Variants in GULP1 observed in about 807,000 individuals in gnomAD.
GULP1 encodes PTB domain-containing engulfment adapter protein 1.
GULP1 carries 19 observed loss-of-function variants against 40.9 expected under a neutral mutation model. That is an observed-to-expected ratio of 0.46 (90% CI 0.32 to 0.68). GULP1 has a LOEUF of 0.68. Ranked by LOEUF, GULP1 falls within the 30% of genes least tolerant of loss-of-function variation. The pLI is 0.03. For synonymous variants in GULP1, 119 were observed against 117.6 expected (o/e 1.01, Z -0.08); for missense variants, 312 against 362.2 (o/e 0.86, Z 1.12).
chr2:188,456,358 C>G (rs1248962252), intron 2 of GULP1, among the ~76,000 whole-genome samples: 1 of 152,148 alleles, frequency 6.6e-6, no homozygotes, highest in Non-Finnish European at 1.5e-5. Context: ...GGCCTGAGGT[C>G]CCCGTGCTGT....
At chr2:188,429,317 A>G (rs2056584308) in intron 2 of GULP1, among the ~76,000 whole-genome samples, 1 of 152,164 alleles carries the variant, frequency 6.6e-6, no homozygotes, top group Non-Finnish European at 1.5e-5. Context: ...ACCCTGGCCA[A>G]CATGGCAAAA....
intron 2 of GULP1, among the ~76,000 whole-genome samples, chr2:188,425,735 G>A (rs974317944): frequency 6.6e-6 from 1 of 152,036 alleles, no homozygotes; most frequent in African/African-American, 2.4e-5. Flanking sequence ...TCATCTATAT[G>A]AGTACTGAGT....
intron 7 of GULP1, among the ~76,000 whole-genome samples, chr2:188,545,404 C>T (rs1691653228): frequency 6.6e-6 from 1 of 151,676 alleles, no homozygotes. Context: ...GATGTGATTT[C>T]ATATATGGAC....
At chr2:188,433,586 G>A (rs577331323) in intron 2 of GULP1, among the ~76,000 whole-genome samples, 1 of 152,210 alleles carries the variant, frequency 6.6e-6, no homozygotes. Flanking sequence ...AGTTCTATCA[G>A]AGAAGAATCT....
chr2:188,299,508 C>A (rs1559084487), intron 1 of GULP1, among the ~76,000 whole-genome samples: 1 of 152,196 alleles, frequency 6.6e-6, no homozygotes, highest in Non-Finnish European at 1.5e-5. Flanking sequence ...CATTTGAAGT[C>A]TTTCCCCCCT....
At position 188,501,234 on chromosome 2, in the gene GULP1, C is replaced by T. The variant is rs1056323007; in HGVS notation, c.90+17742C>T. On this transcript the variant is annotated intron_variant, in intron 4 of 11. Coordinates refer to ENST00000409830, the MANE Select transcript of GULP1 (RefSeq NM_016315.4). ...ATTGGATCATGGGGGCAGTTTCCCC[C>T]ATGCTGTTCTCATGATAGTGAGTTC... Among the ~76,000 whole-genome samples, 6 of 151,822 alleles carry T rather than the reference C, an allele frequency of 4.0e-5. 1 individual carries two copies. Among genetic ancestry groups the T allele is most frequent in the Admixed American group, 3.9e-4 (6 of 15,216 alleles).
intron 9 of GULP1, among the ~76,000 whole-genome samples, chr2:188,575,950 CA>C (rs1700094594): frequency 6.6e-6 from 1 of 152,026 alleles, no homozygotes; most frequent in South Asian, 2.1e-4. Flanking sequence ...TGATTTTTGA[CA>C]CATTTTGAAA....
intron 2 of GULP1, among the ~76,000 whole-genome samples, chr2:188,448,692 G>C (rs1350868868): frequency 2.0e-5 from 3 of 152,196 alleles, no homozygotes; most frequent in Non-Finnish European, 2.9e-5. Context: ...GTTCTGCCCA[G>C]ATCTCATGTT....
At chr2:188,476,734 A>T (rs187096116) in intron 2 of GULP1, among the ~76,000 whole-genome samples, 1 of 152,124 alleles carries the variant, frequency 6.6e-6, no homozygotes, top group South Asian at 2.1e-4. Flanking sequence ...TAGAGCAGCA[A>T]AGTTATTTCT....
In GULP1 at chr2:188,559,522, G is replaced by A. The variant is rs1483629555; in HGVS notation, c.400-9717G>A. Among the ~76,000 whole-genome samples, 10 of 152,166 alleles carry A rather than the reference G, an allele frequency of 6.6e-5. 1 individual carries two copies. The East Asian group carries it at 1.7e-3, about 26-fold the overall frequency. ...GCCCCCATACAGAGTCCCCACTGGG[G>A]CACTGCCTAGGGGAGCTGTGAGAAG... is the stretch of plus-strand genomic sequence containing the variant. On this transcript the variant is annotated intron_variant, in intron 7 of 11. Coordinates refer to ENST00000409830, the MANE Select transcript of GULP1 (RefSeq NM_016315.4).
intron 2 of GULP1, among the ~76,000 whole-genome samples, chr2:188,415,442 G>A (rs1021813746): frequency 6.6e-6 from 1 of 151,942 alleles, no homozygotes; most frequent in African/African-American, 2.4e-5. Flanking sequence ...ATTCCTGGGG[G>A]TTAGTTTTTT....
chr2:188,355,661 C>T (rs1440704899), intron 1 of GULP1, among the ~76,000 whole-genome samples: 1 of 151,918 alleles, frequency 6.6e-6, no homozygotes, highest in Non-Finnish European at 1.5e-5. Context: ...GAAAATTCTT[C>T]CTGTTTCCGT....
At chr2:188,498,039 A>G (rs1575609735) in intron 4 of GULP1, among the ~76,000 whole-genome samples, 1 of 151,868 alleles carries the variant, frequency 6.6e-6, no homozygotes, top group Non-Finnish European at 1.5e-5. Flanking sequence ...TCTCACACAC[A>G]TTGGCACCTT....
rs372257989 is a variant in GULP1, at chr2:188,553,979, A to G, written c.399+12661A>G. Among the ~76,000 whole-genome samples, 4 of 151,828 alleles carry G rather than the reference A, an allele frequency of 2.6e-5. No homozygotes were observed. In the East Asian group the frequency reaches 7.7e-4, roughly 29 times the overall value. ...TATAATAGTCTTTGGGGATCTTTGTATTTCTGTGATCAGTTGTTACATTTC... is the reference window on the plus strand; with the variant it reads ...TATAATAGTCTTTGGGGATCTTTGTGTTTCTGTGATCAGTTGTTACATTTC... On this transcript the variant is annotated intron_variant, in intron 7 of 11. Coordinates refer to ENST00000409830, the MANE Select transcript of GULP1 (RefSeq NM_016315.4).
chr2:188,593,014 A>G (rs1312997426), intron 11 of GULP1: 1 of 152,120 alleles, frequency 6.6e-6, no homozygotes, highest in Non-Finnish European at 1.5e-5. Flanking sequence ...TAGTAAGAAA[A>G]AAAAGGTAGA....
chr2:188,586,897 T>A (rs1037427274), intron 10 of GULP1, among the ~76,000 whole-genome samples: 6 of 151,886 alleles, frequency 4.0e-5, no homozygotes, highest in African/African-American at 1.2e-4. Context: ...TTAATTTTTT[T>A]ATTATACTTT....
intron 1 of GULP1, among the ~76,000 whole-genome samples, chr2:188,326,773 T>C (rs1179831688): frequency 6.6e-6 from 1 of 152,078 alleles, no homozygotes; most frequent in Non-Finnish European, 1.5e-5. Context: ...TCCAAAGCAG[T>C]CCAGTAATGA....
intron 2 of GULP1, among the ~76,000 whole-genome samples, chr2:188,441,057 A>T (rs967575454): frequency 4.0e-5 from 5 of 124,934 alleles, no homozygotes; most frequent in African/African-American, 1.5e-4. Context: ...TAGCATTCTA[A>T]GCTCTGCCGG....
intron 8 of GULP1, 40 bp from the exon 9 acceptor site, chr2:188,569,984 GAAAA>G: frequency 1.5e-6 from 1 of 668,456 alleles, no homozygotes; most frequent in Non-Finnish European, 2.5e-6. Flanking sequence ...TATTTTCCAA[GAAAA>G]AAAAAACAGA....
Sources: allele counts gnomAD v4.1 joint callset (sites outside exome capture counted in the v4.1 genomes callset), GRCh38; gene constraint gnomAD v4.1.1; transcripts MANE v1.5; gene names NCBI Gene and HGNC (gene_info 2026-07-23, HGNC 2026-07-21).